Variants in SMC6 observed in about 807,000 individuals in gnomAD.
The protein encoded by SMC6 is structural maintenance of chromosomes protein 6.
In SMC6, 79 loss-of-function variants were observed where a neutral mutation model predicts 142.2. That is an observed-to-expected ratio of 0.56 (90% CI 0.46 to 0.67). The LOEUF is 0.67. Ranked by LOEUF, SMC6 falls within the 30% of genes least tolerant of loss-of-function variation. The pLI is 0.00. For missense variants in SMC6, 1,072 were observed against 1,284.0 expected, an observed-to-expected ratio of 0.83 and a Z score of 2.52; for synonymous variants, 411 against 412.4, an observed-to-expected ratio of 1.00 and a Z score of 0.04.
intron 18 of SMC6, among the ~76,000 whole-genome samples, chr2:17,706,790 T>C (rs1430081040): frequency 2.0e-5 from 3 of 152,190 alleles, no homozygotes; most frequent in Non-Finnish European, 4.4e-5. Context: ...GTTGATCTTC[T>C]TTCTAGAACT....
intron 16 of SMC6, chr2:17,713,350 C>A (rs1215392884): frequency 2.7e-6 from 1 of 375,474 alleles, no homozygotes; most frequent in African/African-American, 2.1e-5. Flanking sequence ...CTCCTAGCAA[C>A]TCCTGAGGCC....
At chr2:17,753,098 T>C (rs553975114) in intron 1 of SMC6, 34 bp from the exon 2 acceptor site, 13 of 828,152 alleles carry the variant, frequency 1.6e-5, no homozygotes, top group African/African-American at 1.8e-5. Context: ...ATGCCATCAG[T>C]AAACCTTTGA....
At position 17,739,845 on chromosome 2, in the gene SMC6, G is replaced by GACACACACACAC. The variant is rs776038205; in HGVS notation, c.239-1531_239-1520dup. Among the ~76,000 whole-genome samples, 64 of 110,562 alleles carry GACACACACACAC rather than the reference G, an allele frequency of 5.8e-4. 1 individual carries two copies. Among genetic ancestry groups the GACACACACACAC allele is most frequent in the African/African-American group, 1.9e-3 (58 of 31,020 alleles). The allele number at this position is 110,562 out of a possible 152,430, so 72.5% of individuals were successfully genotyped here. On this transcript the variant is annotated intron_variant, in intron 4 of 27. Coordinates refer to ENST00000448223, the MANE Select transcript of SMC6 (RefSeq NM_001142286.2). Reference sequence around the variant, plus strand: ...AAACACACACACACACACACACACAGACACACACACACACACACACAGAGA... The same window carrying GACACACACACAC: ...AAACACACACACACACACACACACAGACACACACACACACACACACACACACACACACAGAGA...
chr2:17,719,830 T>C (rs534702562), intron 11 of SMC6, among the ~76,000 whole-genome samples: 21 of 152,178 alleles, frequency 1.4e-4, no homozygotes, highest in South Asian at 4.2e-4. Context: ...ATATATTACC[T>C]CTGATGAATT....
chr2:17,685,698 AT>A (rs1426001113), intron 23 of SMC6, among the ~76,000 whole-genome samples: 48 of 152,252 alleles, frequency 3.2e-4, no homozygotes, highest in African/African-American at 1.1e-3. Context: ...AGAAAAAAAA[AT>A]CATAGGTGAA....
intron 23 of SMC6, among the ~76,000 whole-genome samples, chr2:17,694,873 T>C (rs991293584): frequency 1.3e-5 from 2 of 152,220 alleles, no homozygotes; most frequent in African/African-American, 4.8e-5. Flanking sequence ...ATTTCTTTCA[T>C]TGCTTATGAA....
At chr2:17,715,649 G>A (rs142268245) in intron 15 of SMC6, among the ~76,000 whole-genome samples, 2 of 152,198 alleles carry the variant, frequency 1.3e-5, no homozygotes, top group African/African-American at 4.8e-5. Flanking sequence ...GTATATGTAA[G>A]AGTGAAGTAA....
At chr2:17,685,764 G>C (rs1395657565) in intron 23 of SMC6, among the ~76,000 whole-genome samples, 2 of 151,938 alleles carry the variant, frequency 1.3e-5, no homozygotes, top group South Asian at 2.1e-4. Context: ...CCAAAATCCA[G>C]ATGTAATCAA....
In SMC6 at chr2:17,667,313, T is replaced by G. The variant is rs1406290168; in HGVS notation, c.3064-796A>C. ...ACCATTTGTACAATATAAACCAATTTGAACTTACAGACCAATTTCTCAATT... is the reference window on the plus strand; with the variant it reads ...ACCATTTGTACAATATAAACCAATTGGAACTTACAGACCAATTTCTCAATT... On this transcript the variant is annotated intron_variant, in intron 26 of 27. Coordinates refer to ENST00000448223, the MANE Select transcript of SMC6 (RefSeq NM_001142286.2). Among the ~76,000 whole-genome samples, 5 of 152,322 alleles carry G rather than the reference T, an allele frequency of 3.3e-5. 2 individuals carry two copies. The South Asian group carries it at 8.3e-4, about 25-fold the overall frequency.
At chr2:17,736,088 G>C (rs1670138957) in intron 5 of SMC6, among the ~76,000 whole-genome samples, 1 of 152,196 alleles carries the variant, frequency 6.6e-6, no homozygotes, top group Non-Finnish European at 1.5e-5. Flanking sequence ...GACAGAATCA[G>C]AGACTATAAA....
intron 4 of SMC6, among the ~76,000 whole-genome samples, chr2:17,739,609 C>G (rs1670325711): frequency 6.6e-6 from 1 of 152,004 alleles, no homozygotes; most frequent in Admixed American, 6.6e-5. Context: ...AGCACCACTG[C>G]ACTCCAGCCT....
intron 4 of SMC6, among the ~76,000 whole-genome samples, chr2:17,740,113 C>T (rs1670368610): frequency 6.6e-6 from 1 of 152,140 alleles, no homozygotes; most frequent in South Asian, 2.1e-4. Flanking sequence ...GCACTGCCTC[C>T]ACTATTTGCA....
chr2:17,743,266 C>T (rs10186180), intron 3 of SMC6, among the ~76,000 whole-genome samples: 5,494 of 152,112 alleles, frequency 0.036, 289 homozygotes, highest in African/African-American at 0.11. Flanking sequence ...TGGGGGAGAA[C>T]TGACATAATT....
intron 26 of SMC6, among the ~76,000 whole-genome samples, chr2:17,670,182 G>C (rs1379218952): frequency 6.6e-6 from 1 of 152,118 alleles, no homozygotes; most frequent in Non-Finnish European, 1.5e-5. Flanking sequence ...TGGAAGGCAC[G>C]GATATCCATG....
intron 16 of SMC6, among the ~76,000 whole-genome samples, chr2:17,712,674 CT>C (rs1668886455): frequency 6.6e-6 from 1 of 152,144 alleles, no homozygotes; most frequent in Non-Finnish European, 1.5e-5. Flanking sequence ...TTATAATACC[CT>C]AATAATATTT....
At chr2:17,747,804 A>C (rs1312872594) in intron 2 of SMC6, among the ~76,000 whole-genome samples, 1 of 152,180 alleles carries the variant, frequency 6.6e-6, no homozygotes, top group Non-Finnish European at 1.5e-5. Flanking sequence ...ACGGCTGGCC[A>C]AAACTGAGCA....
chr2:17,690,794 G>A (rs143606256), intron 23 of SMC6, among the ~76,000 whole-genome samples: 15 of 151,998 alleles, frequency 9.9e-5, no homozygotes, highest in Admixed American at 7.2e-4. Flanking sequence ...TTAAAATTAC[G>A]GTTAATTCTT....
intron 23 of SMC6, among the ~76,000 whole-genome samples, chr2:17,687,976 G>T (rs1264367668): frequency 6.6e-6 from 1 of 152,070 alleles, no homozygotes; most frequent in Non-Finnish European, 1.5e-5. Context: ...TTGTGGAACT[G>T]AGTAAATATT....
Position 17,717,080 on chromosome 2 carries a change from T to C in SMC6, c.1181+8A>G. On this transcript the variant is annotated splice_region_variant and intron_variant, in intron 13 of 27. Transcript: ENST00000448223. ...ATAGCCATGAAAATTTCAAAGTAAC[T>C]ACCCTACCTTTTTTTCAGCTCTTCA... 1 of 1,607,896 alleles carries C rather than the reference T, an allele frequency of 6.2e-7. No individual in the cohort carries two copies. Among genetic ancestry groups the C allele is most frequent in the Non-Finnish European group, 8.5e-7 (1 of 1,178,202 alleles).
Sources: allele counts gnomAD v4.1 joint callset (sites outside exome capture counted in the v4.1 genomes callset), GRCh38; gene constraint gnomAD v4.1.1; transcripts MANE v1.5; gene names NCBI Gene and HGNC (gene_info 2026-07-23, HGNC 2026-07-21).